Variants in NUGGC observed in about 807,000 individuals in gnomAD.
The protein encoded by NUGGC is nuclear GTPase, germinal center associated.
Under a neutral mutation model 92.6 loss-of-function variants are expected in NUGGC, and 58 were observed. The ratio of observed to expected loss-of-function variants is 0.63; its 90% CI spans 0.51 to 0.78. The LOEUF (loss-of-function observed/expected upper bound fraction) is 0.78, where lower values mean the gene tolerates loss of function less well. Ranked by LOEUF, NUGGC falls within the 30% of genes least tolerant of loss-of-function variation. The pLI is 0.00. For synonymous variants in NUGGC, 376 were observed against 366.4 expected (o/e 1.03, Z -0.30); for missense variants, 925 against 964.6 (o/e 0.96, Z 0.54).
At chr8:28,030,184 T>G (rs34294236) in intron 16 of NUGGC, 126 bp downstream of exon 16, 1 of 641,820 alleles carries the variant, frequency 1.6e-6, no homozygotes, top group African/African-American at 1.8e-5. Flanking sequence ...ATGTGTGGAC[T>G]GAGAGTGCTG....
intron 2 of NUGGC, among the ~76,000 whole-genome samples, chr8:28,072,712 T>G (rs1177040039): frequency 6.6e-6 from 1 of 152,194 alleles, no homozygotes; most frequent in Non-Finnish European, 1.5e-5. Flanking sequence ...AAGGAGAAAG[T>G]ATTCCATCTT....
intron 13 of NUGGC, among the ~76,000 whole-genome samples, chr8:28,038,110 G>A (rs568688613): frequency 2.0e-5 from 3 of 152,116 alleles, no homozygotes; most frequent in Admixed American, 6.6e-5. Context: ...CTTGGCTCTC[G>A]GGCACGTGGG....
chr8:28,053,485 G>GAAAAAAAA, intron 10 of NUGGC, among the ~76,000 whole-genome samples: 1 of 146,514 alleles, frequency 6.8e-6, no homozygotes. Flanking sequence ...GACCCATCTG[G>GAAAAAAAA]GAAAAAAAAA....
intron 10 of NUGGC, among the ~76,000 whole-genome samples, chr8:28,052,054 A>G (rs1301351380): frequency 2.6e-5 from 4 of 152,240 alleles, no homozygotes; most frequent in Admixed American, 2.0e-4. Context: ...CCTCGTTACT[A>G]TAGGATGGGG....
chr8:28,081,631 C>A (rs760407644), intron 1 of NUGGC, among the ~76,000 whole-genome samples: 1 of 152,130 alleles, frequency 6.6e-6, no homozygotes, highest in Non-Finnish European at 1.5e-5. Context: ...GTAATCCCAA[C>A]ATTTTGGGAG....
At chr8:28,060,234 A>T (rs1173935208) in intron 8 of NUGGC, 192 bp downstream of exon 8, 1 of 698,544 alleles carries the variant, frequency 1.4e-6, no homozygotes, top group Non-Finnish European at 2.6e-6. Context: ...TGGAAGGTTC[A>T]GATTCCTAAG....
intron 7 of NUGGC, among the ~76,000 whole-genome samples, chr8:28,062,542 A>G (rs903253270): frequency 5.3e-5 from 8 of 152,134 alleles, no homozygotes; most frequent in African/African-American, 1.9e-4. Context: ...GCTCAAGCCC[A>G]GGAGGTCGAG....
intron 12 of NUGGC, among the ~76,000 whole-genome samples, chr8:28,043,696 T>A (rs1326974504): frequency 6.6e-6 from 1 of 152,260 alleles, no homozygotes; most frequent in South Asian, 2.1e-4. Flanking sequence ...TGGGCACTTC[T>A]GGCCTTGATG....
intron 11 of NUGGC, among the ~76,000 whole-genome samples, chr8:28,046,561 G>A (rs564997900): frequency 4.6e-5 from 7 of 152,218 alleles, no homozygotes; most frequent in African/African-American, 1.7e-4. Context: ...CAAGTTCTGT[G>A]AAGAAAGAGC....
rs759840830 is a variant in NUGGC at position 28,060,555 on chromosome 8, C to T, written c.968G>A (p.Arg323Gln). The T allele has an allele frequency of 2.5e-5, 41 of 1,613,360 alleles. No homozygotes were observed. Among genetic ancestry groups the T allele is most frequent in the Non-Finnish European group, 3.2e-5 (38 of 1,179,712 alleles). Reference protein sequence around the residue: ...SVIWVISDIERVSGGQAHEDL... With the variant: ...SVIWVISDIEQVSGGQAHEDL... ...TTCGTGGGCTTGCCCCCCAGAAACT[C>T]GCTCTATGTCGCTGATCACCCAGAT... Residue 323 changes from arginine (R) to glutamine (Q), a missense_variant, in exon 8 of 19, where the codon CGA becomes CAA. Arg to Gln is a conservative substitution (Grantham distance 43). Coordinates refer to ENST00000413272, the MANE Select transcript of NUGGC (RefSeq NM_001010906.2).
intron 18 of NUGGC, among the ~76,000 whole-genome samples, chr8:28,026,349 G>C (rs915348951): frequency 1.3e-5 from 2 of 152,204 alleles, no homozygotes; most frequent in Admixed American, 1.3e-4. Context: ...GTTTGTACCA[G>C]GTTACCCTCT....
At chr8:28,056,713 C>T (rs183103121) in intron 9 of NUGGC, among the ~76,000 whole-genome samples, 8 of 152,140 alleles carry the variant, frequency 5.3e-5, no homozygotes, top group East Asian at 1.9e-4. Context: ...TGTACTACCA[C>T]GAAATGCACA....
At position 28,049,685 on chromosome 8, in the gene NUGGC, C is replaced by T. The variant is rs934209200; in HGVS notation, c.1207-2073G>A. Among the ~76,000 whole-genome samples, 20 of 152,224 alleles carry T rather than the reference C, an allele frequency of 1.3e-4. No individual in the cohort carries two copies. The East Asian group carries it at 1.3e-3, about 10-fold the overall frequency. On this transcript the variant is annotated intron_variant, in intron 10 of 18. Transcript: ENST00000413272. ...TAAATTATGCAACAGAAACATTACA[C>T]ACTGTTCTAATTTAAACACATGGCT...
At chr8:28,061,049 T>G (rs1395332233) in intron 7 of NUGGC, among the ~76,000 whole-genome samples, 1 of 152,218 alleles carries the variant, frequency 6.6e-6, no homozygotes, top group Non-Finnish European at 1.5e-5. Flanking sequence ...CATTAGAGAT[T>G]GACAGAATTC....
chr8:28,031,392 A>G lies in NUGGC; in HGVS notation c.1770-11T>C. On this transcript the variant is annotated splice_polypyrimidine_tract_variant and intron_variant, in intron 14 of 18. Transcript: ENST00000413272. ...GTGGGCTTCCCCGTCCTACGGAAGA[A>G]AGTGACAAAAAAGTTTAAGAGAATG... is the stretch of plus-strand genomic sequence containing the variant. The G allele has an allele frequency of 6.2e-7, 1 of 1,611,702 alleles. No homozygotes were observed. The highest frequency in any genetic ancestry group is 8.5e-7 in the Non-Finnish European group (1 of 1,178,572).
intron 1 of NUGGC, among the ~76,000 whole-genome samples, chr8:28,082,017 C>CTTTGAG (rs1292606620): frequency 1.3e-5 from 2 of 152,216 alleles, no homozygotes; most frequent in Middle Eastern, 3.4e-3. Context: ...TTTCCTTTCT[C>CTTTGAG]TTTGAGTTTG....
At chr8:28,032,785 G>C (rs1809456419) in intron 14 of NUGGC, among the ~76,000 whole-genome samples, 1 of 151,772 alleles carries the variant, frequency 6.6e-6, no homozygotes, top group South Asian at 2.1e-4. Context: ...GCACCAAGGA[G>C]GTACAGTCCC....
chr8:28,032,768 G>A (rs1461501292), intron 14 of NUGGC, among the ~76,000 whole-genome samples: 1 of 150,846 alleles, frequency 6.6e-6, no homozygotes, highest in Non-Finnish European at 1.5e-5. Flanking sequence ...AAGGAGGGAA[G>A]GAGGGAGCAC....
intron 1 of NUGGC, among the ~76,000 whole-genome samples, chr8:28,082,793 T>C (rs1810882834): frequency 6.6e-6 from 1 of 151,860 alleles, no homozygotes; most frequent in Admixed American, 6.6e-5. Context: ...GTAGTCCCAG[T>C]TATTCAGGAG....
Sources: gnomAD v4.1 joint callset for allele counts (sites outside exome capture counted in the v4.1 genomes callset) on GRCh38, gnomAD v4.1.1 for gene constraint, MANE v1.5 for transcripts, NCBI Gene and HGNC (gene_info 2026-07-23, HGNC 2026-07-21) for gene names.